The following GPC5 variants were observed in gnomAD, a reference collection of about 807,000 sequenced individuals.
GPC5 encodes glypican-5.
Under a neutral mutation model 53.9 loss-of-function variants are expected in GPC5, and 47 were observed. The ratio of observed to expected loss-of-function variants is 0.87; its 90% confidence interval spans 0.69 to 1.11. The LOEUF (loss-of-function observed/expected upper bound fraction) is 1.11. Ranked by LOEUF, GPC5 falls within the 50% of genes most tolerant of loss-of-function variation. The pLI is 0.00. For missense variants in GPC5, 748 were observed against 713.1 expected, an observed-to-expected ratio of 1.05 and a Z score of -0.56; for synonymous variants, 286 against 263.3, an observed-to-expected ratio of 1.09 and a Z score of -0.84.
At chr13:91,519,626 T>C (rs9301735) in intron 2 of GPC5, among the ~76,000 whole-genome samples, 136,258 of 152,300 alleles carry the variant, frequency 0.89, 62,808 homozygotes, top group Non-Finnish European at 1. Context: ...TGTGGAACTA[T>C]GAGTCAATTA....
intron 6 of GPC5, among the ~76,000 whole-genome samples, chr13:91,998,571 A>C (rs1005917030): frequency 1.3e-5 from 2 of 152,166 alleles, no homozygotes; most frequent in Non-Finnish European, 1.5e-5. Context: ...TTCACCATAG[A>C]ACCACCTGTT....
At chr13:92,241,208 G>C (rs574041373) in intron 7 of GPC5, 9 of 152,168 alleles carry the variant, frequency 5.9e-5, no homozygotes, top group Admixed American at 4.6e-4. Flanking sequence ...CAGTCTTTGG[G>C]GGCAAGAAGT....
chr13:92,086,035 A>G (rs2138888094), intron 6 of GPC5, among the ~76,000 whole-genome samples: 1 of 152,250 alleles, frequency 6.6e-6, no homozygotes, highest in East Asian at 1.9e-4. Context: ...TTCCATTCCA[A>G]CCTCTGGAAT....
Position 92,234,688 on chromosome 13 carries a change from T to C in GPC5, c.1561+89699T>C, listed in dbSNP as rs534990593. Among the ~76,000 whole-genome samples the C allele has an allele frequency of 8.5e-5, 13 of 152,234 alleles. No individual in the cohort carries two copies. In the Middle Eastern group the frequency reaches 0.017, roughly 199 times the overall value. ...TACTTTATTAATTGTATGGATCCAT[T>C]GCAGCATCAATTCCCTGTCTCTGGT... is the stretch of plus-strand genomic sequence containing the variant. On this transcript the variant is annotated intron_variant, in intron 7 of 7. Coordinates refer to ENST00000377067, the MANE Select transcript of GPC5 (RefSeq NM_004466.6).
At chr13:92,071,011 G>A (rs1187804131) in intron 6 of GPC5, among the ~76,000 whole-genome samples, 1 of 152,160 alleles carries the variant, frequency 6.6e-6, no homozygotes, top group Non-Finnish European at 1.5e-5. Context: ...GCTGAGGCGG[G>A]CGGATCACGA....
chr13:91,826,815 GTGTT>G (rs777423878), intron 5 of GPC5, among the ~76,000 whole-genome samples: 3 of 152,166 alleles, frequency 2.0e-5, no homozygotes, highest in East Asian at 1.9e-4. Flanking sequence ...AATTGAATGA[GTGTT>G]TGTGTGTGTA....
At chr13:92,323,499 C>T (rs968009330) in intron 7 of GPC5, among the ~76,000 whole-genome samples, 1 of 151,480 alleles carries the variant, frequency 6.6e-6, no homozygotes, top group African/African-American at 2.4e-5. Flanking sequence ...ATGCTTTAGG[C>T]ATTTAATATC....
intron 7 of GPC5, among the ~76,000 whole-genome samples, chr13:92,638,801 T>A (rs9523740): frequency 0.34 from 52,192 of 151,652 alleles, 10,182 homozygotes; most frequent in Non-Finnish European, 0.45. Context: ...GAAGGAGGAG[T>A]CAGCAGAGAA....
chr13:91,647,469 G>A (rs2034589580), intron 2 of GPC5, among the ~76,000 whole-genome samples: 1 of 152,212 alleles, frequency 6.6e-6, no homozygotes, highest in African/African-American at 2.4e-5. Flanking sequence ...ACTCCAGCAA[G>A]CTGACCTGAC....
chr13:92,357,141 A>G (rs904109828), intron 7 of GPC5, among the ~76,000 whole-genome samples: 1 of 151,694 alleles, frequency 6.6e-6, no homozygotes, highest in Non-Finnish European at 1.5e-5. Context: ...GATTGATTCC[A>G]TGTCTTCGCT....
intron 7 of GPC5, among the ~76,000 whole-genome samples, chr13:92,253,391 G>A (rs946329917): frequency 7.3e-5 from 11 of 151,058 alleles, no homozygotes; most frequent in Admixed American, 2.0e-4. Flanking sequence ...ACCTGTCTGG[G>A]ACTTTATTTA....
At chr13:92,394,617 A>T (rs9516071) in intron 7 of GPC5, among the ~76,000 whole-genome samples, 65,302 of 152,058 alleles carry the variant, frequency 0.43, 15,151 homozygotes, top group East Asian at 0.54. Flanking sequence ...CACCCAGTCT[A>T]TGGTACCTGT....
At chr13:92,441,672 A>G (rs1468552725) in intron 7 of GPC5, among the ~76,000 whole-genome samples, 1 of 152,216 alleles carries the variant, frequency 6.6e-6, no homozygotes, top group Non-Finnish European at 1.5e-5. Flanking sequence ...ACACTGCTGA[A>G]AGAAGTCAGT....
At position 92,205,095 on chromosome 13, in the gene GPC5, G is replaced by T. The variant is rs2042323931; in HGVS notation, c.1561+60106G>T. ...GGGTTTCACCATGTTAGCTAAGATG[G>T]TCTCGATCTCCTGACCTCGTGATCC... On this transcript the variant is annotated intron_variant, in intron 7 of 7. Coordinates refer to ENST00000377067, the MANE Select transcript of GPC5 (RefSeq NM_004466.6). 2.0e-5 allele frequency among the ~76,000 whole-genome samples: 3 copies of T among 152,110 alleles called. No homozygotes were observed. The South Asian group carries it at 6.2e-4, about 31-fold the overall frequency.
chr13:92,105,374 G>A (rs1436853781), intron 6 of GPC5, among the ~76,000 whole-genome samples: 2 of 152,064 alleles, frequency 1.3e-5, no homozygotes, highest in South Asian at 4.1e-4. Flanking sequence ...AAATAATAGA[G>A]CACTGCAAAT....
chr13:92,862,856 C>T (rs1243683390), intron 7 of GPC5, among the ~76,000 whole-genome samples: 6 of 152,092 alleles, frequency 3.9e-5, no homozygotes, highest in Admixed American at 3.9e-4. Flanking sequence ...AACATACTTG[C>T]CTTTCCTTAG....
chr13:91,692,793 G>A (rs1385591517), intron 2 of GPC5, among the ~76,000 whole-genome samples: 1 of 152,112 alleles, frequency 6.6e-6, no homozygotes, highest in Non-Finnish European at 1.5e-5. Context: ...ACAGGCATCT[G>A]CCACCATGCC....
intron 7 of GPC5, among the ~76,000 whole-genome samples, chr13:92,787,679 A>G (rs192298128): frequency 4.0e-4 from 59 of 149,014 alleles, no homozygotes; most frequent in Middle Eastern, 3.4e-3. Flanking sequence ...AAAAAAAAAA[A>G]AAAAGAAAAG....
chr13:92,572,268 A>G (rs1883050846), intron 7 of GPC5, among the ~76,000 whole-genome samples: 1 of 152,222 alleles, frequency 6.6e-6, no homozygotes, highest in African/African-American at 2.4e-5. Flanking sequence ...CTTCATTTTC[A>G]TAGTAAAAAT....
Sources: allele counts gnomAD v4.1 joint callset (sites outside exome capture counted in the v4.1 genomes callset), GRCh38; gene constraint gnomAD v4.1.1; transcripts MANE v1.5; gene names NCBI Gene and HGNC (gene_info 2026-07-23, HGNC 2026-07-21).